MAP3K20: variants seen among roughly 807,000 people sequenced by gnomAD.
The protein encoded by MAP3K20 is HCCS-4.
Under a neutral mutation model 85.7 loss-of-function variants are expected in MAP3K20, and 40 were observed. The observed-to-expected ratio is 0.47, with a 90% CI of 0.36 to 0.61. MAP3K20 has a LOEUF of 0.61. MAP3K20 is among the 20% of genes least tolerant of loss of function. The pLI is 0.00. For missense variants in MAP3K20, 817 were observed against 961.7 expected, an observed-to-expected ratio of 0.85 and a Z score of 1.99; for synonymous variants, 325 against 327.7, an observed-to-expected ratio of 0.99 and a Z score of 0.09.
chr2:173,159,007 G>A (rs778805262), intron 2 of MAP3K20, among the ~76,000 whole-genome samples: 23 of 152,212 alleles, frequency 1.5e-4, no homozygotes, highest in Non-Finnish European at 3.4e-4. Flanking sequence ...TGTAAAGCAT[G>A]AAGGGATCTG....
rs773062350 is a variant in MAP3K20 at position 173,187,637 on chromosome 2, G to A, written c.415+14G>A. The A allele has an allele frequency of 6.3e-7, 1 of 1,595,584 alleles. No individual in the cohort carries two copies. The highest frequency in any genetic ancestry group is 8.5e-7 in the Non-Finnish European group (1 of 1,172,894). ...AGTCAAGAAACGGTAATGTAGTTAT[G>A]TTTTTATTTTACCTATTTTATTACA... On this transcript the variant is annotated intron_variant, in intron 5 of 19. Coordinates refer to ENST00000375213, the MANE Select transcript of MAP3K20 (RefSeq NM_016653.3).
At chr2:173,097,734 G>A (rs1014775725) in intron 2 of MAP3K20, among the ~76,000 whole-genome samples, 7 of 152,120 alleles carry the variant, frequency 4.6e-5, no homozygotes. Context: ...GATAAGGAGA[G>A]AAGATCAACA....
At chr2:173,161,153 A>G (rs766160401) in intron 2 of MAP3K20, among the ~76,000 whole-genome samples, 20 of 152,240 alleles carry the variant, frequency 1.3e-4, no homozygotes, top group Non-Finnish European at 2.1e-4. Context: ...GAAGAATGCA[A>G]AGCAGCAAAG....
At chr2:173,094,831 A>G (rs553927285) in intron 2 of MAP3K20, among the ~76,000 whole-genome samples, 3 of 152,328 alleles carry the variant, frequency 2.0e-5, no homozygotes, top group South Asian at 2.1e-4. Context: ...GGTTTACCCA[A>G]TTTCTCCACA....
intron 2 of MAP3K20, among the ~76,000 whole-genome samples, chr2:173,149,702 G>A (rs963118523): frequency 6.6e-6 from 1 of 152,146 alleles, no homozygotes; most frequent in African/African-American, 2.4e-5. Flanking sequence ...GCCTTAGGAA[G>A]AATGCACTGC....
chr2:173,118,908 A>G (rs937503389), intron 2 of MAP3K20, among the ~76,000 whole-genome samples: 39 of 152,308 alleles, frequency 2.6e-4, no homozygotes, highest in African/African-American at 7.9e-4. Flanking sequence ...CAGTTTGTCA[A>G]TTGTATATTC....
At chr2:173,104,064 A>G (rs1014710697) in intron 2 of MAP3K20, among the ~76,000 whole-genome samples, 1 of 152,264 alleles carries the variant, frequency 6.6e-6, no homozygotes, top group African/African-American at 2.4e-5. Flanking sequence ...ATGTCAACAC[A>G]TTAGAAAATA....
At chr2:173,223,965 T>C (rs1008637106) in intron 11 of MAP3K20, 167 of 985,308 alleles carry the variant, frequency 1.7e-4, no homozygotes, top group Non-Finnish European at 1.9e-4. Context: ...AAGGCAAAGA[T>C]AGTCATTCAT....
Position 173,263,849 on chromosome 2 carries a change from A to G in MAP3K20, c.1656A>G (p.Thr552=). 1 of 1,613,376 alleles carries G rather than the reference A, an allele frequency of 6.2e-7. No homozygotes were observed. Among genetic ancestry groups the G allele is most frequent in the Non-Finnish European group, 8.5e-7 (1 of 1,179,680 alleles). The change falls in exon 19 of 20, where the codon ACA becomes ACG. Residue 552 remains threonine, a synonymous_variant. Transcript: ENST00000375213. ...AAGCAGTCCAACTTGCCATTCAGAC[A>G]TTATTCACCAATTCAGATGGCAACC... ...EVKAVQLAIQ[T]LFTNSDGNPG...
chr2:173,206,935 T>C (rs2106298350), intron 9 of MAP3K20, among the ~76,000 whole-genome samples: 2 of 151,166 alleles, frequency 1.3e-5, no homozygotes, highest in East Asian at 1.9e-4. Flanking sequence ...ACTTTCTTTT[T>C]TTTTTTTTTT....
intron 16 of MAP3K20, among the ~76,000 whole-genome samples, chr2:173,256,593 A>G (rs1685168830): frequency 6.6e-6 from 1 of 152,114 alleles, no homozygotes; most frequent in African/African-American, 2.4e-5. Context: ...AATTTGGTAC[A>G]AAGACATGAG....
Position 173,091,196 on chromosome 2 carries a change from G to A in MAP3K20, c.159+6G>A, listed in dbSNP as rs375547952. On this transcript the variant is annotated splice_donor_region_variant and intron_variant, in intron 2 of 19. Transcript: ENST00000375213. ...TCCTCAAAATAGAGAAAGAGGTAAG[G>A]TCTTTTCCAGCTGACAGAAACAGTC... is the stretch of plus-strand genomic sequence containing the variant. 4 of 1,607,012 alleles carry A rather than the reference G, an allele frequency of 2.5e-6. No individual in the cohort carries two copies. Among genetic ancestry groups the A allele is most frequent in the Admixed American group, 3.4e-5 (2 of 58,936 alleles).
chr2:173,162,879 A>G (rs77318430), intron 2 of MAP3K20, among the ~76,000 whole-genome samples: 3,281 of 152,238 alleles, frequency 0.022, 61 homozygotes, highest in South Asian at 0.046. Flanking sequence ...TCTTGCTGCT[A>G]GGTGGAGGGA....
intron 2 of MAP3K20, among the ~76,000 whole-genome samples, chr2:173,122,687 A>T (rs541392510): frequency 2.6e-5 from 4 of 152,146 alleles, no homozygotes; most frequent in African/African-American, 9.7e-5. Context: ...TATATAGATT[A>T]TACAGTATTG....
intron 2 of MAP3K20, among the ~76,000 whole-genome samples, chr2:173,127,501 A>G (rs1688476246): frequency 6.6e-6 from 1 of 152,224 alleles, no homozygotes; most frequent in Non-Finnish European, 1.5e-5. Context: ...CATTTTGAAG[A>G]GTTTTTGGCA....
chr2:173,209,846 C>A lies in MAP3K20; in HGVS notation c.851+11C>A. On this transcript the variant is annotated intron_variant, in intron 10 of 19. Coordinates refer to ENST00000375213, the MANE Select transcript of MAP3K20 (RefSeq NM_016653.3). Reference sequence around the variant, plus strand: ...CAAGGCGGAGTGGAGGTGGGTAGCCCCGACAGCAGGCCACAGCGTCTGGCT... The same window carrying A: ...CAAGGCGGAGTGGAGGTGGGTAGCCACGACAGCAGGCCACAGCGTCTGGCT... The A allele has an allele frequency of 6.2e-7, 1 of 1,610,396 alleles. No homozygotes were observed. Among genetic ancestry groups the A allele is most frequent in the Non-Finnish European group, 8.5e-7 (1 of 1,176,734 alleles).
At chr2:173,242,658 A>G (rs1180016453) in intron 16 of MAP3K20, among the ~76,000 whole-genome samples, 1 of 141,096 alleles carries the variant, frequency 7.1e-6, no homozygotes, top group East Asian at 2.2e-4. Flanking sequence ...GCAGGTTTTG[A>G]TCCTCTGCTG....
intron 14 of MAP3K20, among the ~76,000 whole-genome samples, chr2:173,235,364 C>T (rs1183450539): frequency 6.6e-6 from 1 of 152,208 alleles, no homozygotes; most frequent in Non-Finnish European, 1.5e-5. Flanking sequence ...AGCCGTCTCT[C>T]AGAACAACTG....
chr2:173,100,003 A>C (rs755888156), intron 2 of MAP3K20, among the ~76,000 whole-genome samples: 25 of 152,250 alleles, frequency 1.6e-4, no homozygotes, highest in Non-Finnish European at 3.1e-4. Context: ...TCAGAACAGC[A>C]GCTAGATGTC....
Sources: allele counts gnomAD v4.1 joint callset (sites outside exome capture counted in the v4.1 genomes callset), GRCh38; gene constraint gnomAD v4.1.1; transcripts MANE v1.5; gene names NCBI Gene and HGNC (gene_info 2026-07-23, HGNC 2026-07-21).